Variants in CRAT observed in about 807,000 individuals in gnomAD.
CRAT encodes the protein carnitine O-acetyltransferase, also known as carnitine acetylase.
In CRAT, 66 loss-of-function variants were observed where a neutral mutation model predicts 73.7. The observed-to-expected ratio is 0.90, with a 90% CI of 0.73 to 1.10. The LOEUF (loss-of-function observed/expected upper bound fraction) is 1.10. CRAT is among the 50% of genes least tolerant of loss of function. The pLI is 0.00. For missense variants in CRAT, 745 were observed against 846.9 expected (o/e 0.88, Z 1.49); for synonymous variants, 321 against 343.2 (o/e 0.94, Z 0.71).
chr9:129,100,807 G>A, intron 6 of CRAT, 118 bp from the exon 7 acceptor site: 1 of 1,241,758 alleles, frequency 8.1e-7, no homozygotes, highest in Non-Finnish European at 1.1e-6. Flanking sequence ...ACCTCTCTGG[G>A]ATGAGGAGAC....
intron 11 of CRAT, among the ~76,000 whole-genome samples, chr9:129,097,580 GCACCTGTAGT>G (rs1847360319): frequency 6.6e-6 from 1 of 152,002 alleles, no homozygotes; most frequent in African/African-American, 2.4e-5. Flanking sequence ...ATGGTGGCAG[GCACCTGTAGT>G]CCCAGCTACT....
At chr9:129,099,733 G>T in intron 8 of CRAT, 133 bp downstream of exon 8, 1 of 658,742 alleles carries the variant, frequency 1.5e-6, no homozygotes, top group Non-Finnish European at 2.5e-6. Flanking sequence ...ACCATATCTG[G>T]CTGGCTTCCT....
Position 129,096,101 on chromosome 9 carries a change from A to G in CRAT, c.1562T>C (p.Leu521Pro), listed in dbSNP as rs773826953. The G allele has an allele frequency of 6.2e-7, 1 of 1,613,818 alleles. No individual in the cohort carries two copies. Among genetic ancestry groups the G allele is most frequent in the Admixed American group, 1.7e-5 (1 of 60,036 alleles). Residue 521 changes from leucine (L) to proline (P), a missense_variant, in exon 13 of 14, where the codon CTG becomes CCG. Coordinates refer to ENST00000318080, the MANE Select transcript of CRAT (RefSeq NM_000755.5). ...IRGEAFDRHL[L>P]GLKLQAIEDL... ...CTCGATGGCCTGCAGCTTCAGGCCC[A>G]GCAGGTGTCGATCAAAGGCCTCCCC...
In CRAT at chr9:129,110,343, G is replaced by A. The variant is rs1848338843; in HGVS notation, c.27+140C>T. The A allele has an allele frequency of 2.0e-5, 17 of 837,952 alleles. No homozygotes were observed. Among genetic ancestry groups the A allele is most frequent in the Non-Finnish European group, 2.8e-5 (16 of 579,410 alleles). 51.9% of individuals were successfully genotyped at this position (837,952 alleles called of 1,614,324 possible). ...CCAATCTCCTGCTCTGCCAAACCTG[G>A]GACGCCCGCCTGACCCCACCCCATC... On this transcript the variant is annotated intron_variant, in intron 1 of 13. Transcript: ENST00000318080. The surrounding 1 kb of genome is among the most constrained non-coding windows in gnomAD (Gnocchi z 5.3).
In CRAT at chr9:129,097,191, GGACA is replaced by G. The variant is rs1847330425; in HGVS notation, c.1527+55_1527+58del. 3 of 1,428,542 alleles carry G rather than the reference GGACA, an allele frequency of 2.1e-6. No individual in the cohort carries two copies. In the East Asian group the frequency reaches 7.8e-5, roughly 37 times the overall value. The allele number at this position is 1,428,542 out of a possible 1,614,324, so 88.5% of individuals were successfully genotyped here. On this transcript the variant is annotated intron_variant, in intron 12 of 13. Transcript: ENST00000318080. ...TGGCTGCAGGGACGGACAGTCAGAG[GGACA>G]GACAGATGGCTGACACTAAGGGACA... is the stretch of plus-strand genomic sequence containing the variant.
chr9:129,100,598 C>T lies in CRAT; in HGVS notation c.897G>A (p.Val299=), dbSNP rs532678130. The change falls in exon 7 of 14, where the codon GTG becomes GTA. Residue 299 remains valine (V), a synonymous_variant. Transcript: ENST00000318080. Reference sequence around the variant, plus strand: ...TCTGGCCTGCCACGTGGCTGCGGTACACGTCTTCTGAGACCCTGGGCATGG... The same window carrying T: ...TCTGGCCTGCCACGTGGCTGCGGTATACGTCTTCTGAGACCCTGGGCATGG... ...DATMPRVSED[V]YRSHVAGQML... is the part of the protein sequence containing the mutation. 312 of 1,614,088 alleles carry T rather than the reference C, an allele frequency of 1.9e-4. 3 individuals are homozygous for T. The South Asian group carries it at 3.2e-3, about 17-fold the overall frequency.
rs17486213 is a variant in CRAT, at chr9:129,108,620, A to C, written c.28-543T>G. The stretch of plus-strand genomic sequence containing the variant: ...GGGGTGAGGGCAGTGCTGTGGCGAG[A>C]GAGCCGGGTGGCCTGGCATGGAGGG... On this transcript the variant is annotated intron_variant, in intron 1 of 13. Transcript: ENST00000318080. 8.6e-3 allele frequency: 9,752 copies of C among 1,130,196 alleles called. 672 individuals carry two copies. The African/African-American group carries it at 0.14, about 17-fold the overall frequency. The allele number at this position is 1,130,196 out of a possible 1,614,324, so 70.0% of individuals were successfully genotyped here. A position where few individuals can be genotyped will look rare whatever the true frequency, so the allele number is the denominator to read the frequency against.
rs185450487 is a variant in CRAT, at chr9:129,101,305, G to A, written c.805+578C>T. Among the ~76,000 whole-genome samples, 257 of 152,328 alleles carry A rather than the reference G, an allele frequency of 1.7e-3. 1 individual carries two copies. Among genetic ancestry groups the A allele is most frequent in the African/African-American group, 5.7e-3 (237 of 41,576 alleles). On this transcript the variant is annotated intron_variant, in intron 6 of 13. Transcript: ENST00000318080. ...ATGTTGGGAAAAGGACTTGTGGGGTGCCTGTATAAACTGGCCATAAAAATA... is the reference window on the plus strand; with the variant it reads ...ATGTTGGGAAAAGGACTTGTGGGGTACCTGTATAAACTGGCCATAAAAATA...
rs1847617149 is a variant in CRAT at position 129,100,696 on chromosome 9, G to A, written c.806-7C>T. The A allele has an allele frequency of 6.2e-7, 1 of 1,612,132 alleles. No homozygotes were observed. Among genetic ancestry groups the A allele is most frequent in the Non-Finnish European group, 8.5e-7 (1 of 1,178,732 alleles). On this transcript the variant is annotated splice_region_variant and splice_polypyrimidine_tract_variant and intron_variant, in intron 6 of 13. Transcript: ENST00000318080. ...GAATCCCGGTTCACCTTGTCTGCAGGTGGCATGGGGCGGGGAGACGCAAAA... is the reference window on the plus strand; with the variant it reads ...GAATCCCGGTTCACCTTGTCTGCAGATGGCATGGGGCGGGGAGACGCAAAA...
At chr9:129,109,997 C>G (rs1243029241) in intron 1 of CRAT, among the ~76,000 whole-genome samples, 1 of 152,096 alleles carries the variant, frequency 6.6e-6, no homozygotes, top group Non-Finnish European at 1.5e-5. Context: ...AGTTCTGAGG[C>G]CTTTCTAGCT....
rs917939119 is a variant in CRAT at position 129,110,779 on chromosome 9, C to G, written c.-270G>C. The G allele has an allele frequency of 2.5e-6, 1 of 392,866 alleles. No individual in the cohort carries two copies. The highest frequency in any genetic ancestry group is 4.3e-6 in the Non-Finnish European group (1 of 230,738). The allele number at this position is 392,866 out of a possible 1,614,324, so 24.3% of individuals were successfully genotyped here. A position where few individuals can be genotyped will look rare whatever the true frequency, so the allele number is the denominator to read the frequency against. On this transcript the variant is annotated 5_prime_UTR_variant, in exon 1 of 14. Coordinates refer to ENST00000318080, the MANE Select transcript of CRAT (RefSeq NM_000755.5). The surrounding 1 kb of genome is among the most constrained non-coding windows in gnomAD (Gnocchi z 5.3). The stretch of plus-strand genomic sequence containing the variant: ...CGGGCAACGGTGCCCGGGAGGTTGG[C>G]TGTGGGGCGGGGACGGGGCATCGAT...
intron 2 of CRAT, among the ~76,000 whole-genome samples, chr9:129,104,962 A>G (rs1195301203): frequency 2.7e-5 from 3 of 112,528 alleles, no homozygotes; most frequent in South Asian, 3.2e-4. Flanking sequence ...GTGCAGTGGC[A>G]TGATCTCGGC....
At chr9:129,097,615 A>T (rs1408812493) in intron 11 of CRAT, among the ~76,000 whole-genome samples, 1 of 152,038 alleles carries the variant, frequency 6.6e-6, no homozygotes, top group East Asian at 1.9e-4. Flanking sequence ...AGGCTGAGGC[A>T]GGAGGATTGC....
rs3824536 is a variant in CRAT, at chr9:129,109,406, C to T, written c.27+1077G>A. 1,119 of 617,028 alleles carry T rather than the reference C, an allele frequency of 1.8e-3. 7 individuals are homozygous for T. The highest frequency in any genetic ancestry group is 0.016 in the African/African-American group (810 of 51,430). The allele number at this position is 617,028 out of a possible 1,614,324, so 38.2% of individuals were successfully genotyped here. The stretch of plus-strand genomic sequence containing the variant: ...GGGACCCATCTGAGCCATCCCTCTA[C>T]GAACACTCATTTTTTCCTGAGCTGT... On this transcript the variant is annotated intron_variant, in intron 1 of 13. Transcript: ENST00000318080.
chr9:129,109,012 A>C (rs1184263128), intron 1 of CRAT: 2 of 1,228,994 alleles, frequency 1.6e-6, no homozygotes, highest in African/African-American at 3.1e-5. Context: ...CCTGGACTCT[A>C]GAAGCTGCTC....
intron 12 of CRAT, among the ~76,000 whole-genome samples, chr9:129,096,485 GT>G (rs936937982): frequency 7.9e-5 from 12 of 152,232 alleles, no homozygotes; most frequent in Non-Finnish European, 1.5e-4. Context: ...CCCTCGCAGG[GT>G]GGCGGTGAGC....
At position 129,097,292 on chromosome 9, in the gene CRAT, C is replaced by T; in HGVS notation, c.1485G>A (p.Leu495=). ...GGTGGGCCTGCACGGCCTTCCGCAGCAGCTCCACCTTCTGGTGCTCCTAGA... is the reference window on the plus strand; with the variant it reads ...GGTGGGCCTGCACGGCCTTCCGCAGTAGCTCCACCTTCTGGTGCTCCTAGA... ...SSVTEHQKVE[L]LRKAVQAHRG... The change falls in exon 12 of 14, where the codon CTG becomes CTA. Residue 495 remains leucine (L), a synonymous_variant. Transcript: ENST00000318080. 3 of 1,566,050 alleles carry T rather than the reference C, an allele frequency of 1.9e-6. No individual in the cohort carries two copies. The highest frequency in any genetic ancestry group is 1.2e-5 in the South Asian group (1 of 84,704).
At chr9:129,101,644 C>T (rs1847677944) in intron 6 of CRAT, among the ~76,000 whole-genome samples, 2 of 152,268 alleles carry the variant, frequency 1.3e-5, no homozygotes, top group Admixed American at 1.3e-4. Flanking sequence ...TCGCCCTGAA[C>T]ATGTGCTTCT....
rs1848266811 is a variant in CRAT at position 129,109,708 on chromosome 9, G to A, written c.27+775C>T. 1.3e-5 allele frequency among the ~76,000 whole-genome samples: 2 copies of A among 152,294 alleles called. 1 individual carries two copies. The highest frequency in any genetic ancestry group is 4.1e-4 in the South Asian group (2 of 4,820). On this transcript the variant is annotated intron_variant, in intron 1 of 13. Transcript: ENST00000318080. ...AACACCTAAAAGAGCCTCTAGGCCT[G>A]AGCCTGGATGCACCCTCCGCCCTCT...
Sources: allele counts gnomAD v4.1 joint callset (sites outside exome capture counted in the v4.1 genomes callset), GRCh38; gene constraint gnomAD v4.1.1; non-coding constraint Gnocchi (gnomAD v3.1); transcripts MANE v1.5; gene names NCBI Gene and HGNC (gene_info 2026-07-23, HGNC 2026-07-21).